Variants in C4orf36 observed in about 807,000 individuals in gnomAD.
The protein encoded by C4orf36 is uncharacterized protein C4orf36.
A neutral mutation model predicts 12.2 loss-of-function variants in C4orf36; 11 were observed. That is an observed-to-expected ratio of 0.90 (90% CI 0.57 to 1.49). The LOEUF (loss-of-function observed/expected upper bound fraction) is 1.49. C4orf36 is among the 40% of genes most tolerant of loss of function. The pLI is 0.00. For missense variants in C4orf36, 137 were observed against 133.9 expected, an observed-to-expected ratio of 1.02 and a Z score of -0.11; for synonymous variants, 54 against 51.3, an observed-to-expected ratio of 1.05 and a Z score of -0.22.
the C4orf36 span, among the ~76,000 whole-genome samples, chr4:86,921,679 T>C: frequency 6.6e-6 from 1 of 152,226 alleles, no homozygotes; most frequent in African/African-American, 2.4e-5. Context: ...AAAATATGCA[T>C]AATGTAAAAT....
chr4:86,890,078 G>C (rs1471041872), intron 2 of C4orf36: 1 of 454,636 alleles, frequency 2.2e-6, no homozygotes, highest in South Asian at 1.6e-5. Context: ...TGTGGTCCCA[G>C]CTACTCAGGA....
At chr4:86,929,959 G>A in the C4orf36 span, among the ~76,000 whole-genome samples, 1 of 152,218 alleles carries the variant, frequency 6.6e-6, no homozygotes, top group Non-Finnish European at 1.5e-5. Flanking sequence ...TATTTTGCCT[G>A]TGGGACAACC....
At chr4:86,903,949 T>A in the C4orf36 span, among the ~76,000 whole-genome samples, 1 of 152,212 alleles carries the variant, frequency 6.6e-6, no homozygotes, top group African/African-American at 2.4e-5. Flanking sequence ...AACCTTTAGC[T>A]AGACACAGAG....
chr4:86,898,688 A>T, the C4orf36 span, among the ~76,000 whole-genome samples: 1 of 152,096 alleles, frequency 6.6e-6, no homozygotes, highest in Non-Finnish European at 1.5e-5. Flanking sequence ...GAACACCTAT[A>T]ATCCCCACTA....
At chr4:86,909,567 A>G in the C4orf36 span, among the ~76,000 whole-genome samples, 1 of 152,146 alleles carries the variant, frequency 6.6e-6, no homozygotes, top group Non-Finnish European at 1.5e-5. Context: ...TTTAAATTCT[A>G]ATTTTTTATC....
At chr4:86,908,088 T>G in the C4orf36 span, among the ~76,000 whole-genome samples, 1 of 152,228 alleles carries the variant, frequency 6.6e-6, no homozygotes, top group Non-Finnish European at 1.5e-5. Flanking sequence ...GAGCACAATT[T>G]TTCTTACACA....
At chr4:86,899,192 A>G in the C4orf36 span, among the ~76,000 whole-genome samples, 3 of 152,302 alleles carry the variant, frequency 2.0e-5, no homozygotes, top group African/African-American at 7.2e-5. Context: ...GCTCCTCTAA[A>G]ACAAATTATT....
chr4:86,883,797 A>C (rs1389437695), intron 4 of C4orf36, among the ~76,000 whole-genome samples: 2 of 152,122 alleles, frequency 1.3e-5, no homozygotes, highest in African/African-American at 2.4e-5. Flanking sequence ...GGAGGCCAAG[A>C]TGGGCAGATC....
chr4:86,914,024 C>A, the C4orf36 span: 4 of 1,608,632 alleles, frequency 2.5e-6, no homozygotes, highest in Non-Finnish European at 3.4e-6. Flanking sequence ...CTGCTGCCAG[C>A]AAAACGTCGT....
chr4:86,886,249 G>C, intron 4 of C4orf36, among the ~76,000 whole-genome samples: 1 of 152,050 alleles, frequency 6.6e-6, no homozygotes, highest in Non-Finnish European at 1.5e-5. Context: ...TTTTTCTATT[G>C]ATTGGAATAG....
chr4:86,890,667 C>A (rs1272547228), intron 2 of C4orf36, among the ~76,000 whole-genome samples: 1 of 152,124 alleles, frequency 6.6e-6, no homozygotes, highest in African/African-American at 2.4e-5. Context: ...ATTTACTTCA[C>A]AGAATATTGT....
chr4:86,903,127 T>C, the C4orf36 span, among the ~76,000 whole-genome samples: 1 of 152,370 alleles, frequency 6.6e-6, no homozygotes, highest in South Asian at 2.1e-4. Flanking sequence ...TGTGTGCTAT[T>C]TTCACAAGAA....
At chr4:86,916,093 G>A in the C4orf36 span, among the ~76,000 whole-genome samples, 507 of 152,312 alleles carry the variant, frequency 3.3e-3, 1 homozygote, top group African/African-American at 0.011. Context: ...CCCTAGGAAA[G>A]TAATACATCT....
At chr4:86,923,481 G>C in the C4orf36 span, among the ~76,000 whole-genome samples, 1 of 151,984 alleles carries the variant, frequency 6.6e-6, no homozygotes, top group Non-Finnish European at 1.5e-5. Context: ...TTTCCTGCTG[G>C]GTGCAGTGGC....
Position 86,887,791 on chromosome 4 carries a change from G to T in C4orf36, c.323C>A (p.Ala108Asp). 1.9e-6 allele frequency: 3 copies of T among 1,614,178 alleles called. No individual in the cohort carries two copies. The highest frequency in any genetic ancestry group is 2.5e-6 in the Non-Finnish European group (3 of 1,180,030). The change falls in exon 4 of 5, where the codon GCC (alanine) becomes GAC (aspartate). Residue 108 changes from alanine to aspartate, a missense_variant. By Grantham distance (126) the Ala-to-Asp change is moderately radical. Coordinates refer to ENST00000295898, the MANE Select transcript of C4orf36 (RefSeq NM_144645.4). ...EIQLLLRERPAGLRRPLPSK is the reference protein window; with the variant it reads ...EIQLLLRERPDGLRRPLPSK ...AGATGGAAGAGGTCTTCTCAAACCG[G>T]CTGGCCTTTCCCTCAGGAGAAGCTG... is the stretch of plus-strand genomic sequence containing the variant.
chr4:86,891,403 TC>T, intron 2 of C4orf36, 52 bp downstream of exon 2: 3 of 1,540,284 alleles, frequency 1.9e-6, no homozygotes, highest in Non-Finnish European at 1.8e-6. Flanking sequence ...ACAAAGACAC[TC>T]CCCACCGCAG....
the C4orf36 span, among the ~76,000 whole-genome samples, chr4:86,921,916 T>C: frequency 6.6e-6 from 1 of 152,216 alleles, no homozygotes; most frequent in Admixed American, 6.5e-5. Flanking sequence ...AGGCACCTCA[T>C]ACAAGTGGAA....
chr4:86,881,528 G>A (rs1418293045), intron 4 of C4orf36, among the ~76,000 whole-genome samples: 1 of 152,080 alleles, frequency 6.6e-6, no homozygotes, highest in Non-Finnish European at 1.5e-5. Flanking sequence ...GTTCAAAGTT[G>A]AAGCGAGTAA....
the C4orf36 span, among the ~76,000 whole-genome samples, chr4:86,930,672 G>C: frequency 6.6e-6 from 1 of 152,290 alleles, no homozygotes; most frequent in East Asian, 1.9e-4. Flanking sequence ...TGTGAAATCA[G>C]TTGAACAATA....
Sources: allele counts gnomAD v4.1 joint callset (sites outside exome capture counted in the v4.1 genomes callset), GRCh38; gene constraint gnomAD v4.1.1; transcripts MANE v1.5; gene names NCBI Gene and HGNC (gene_info 2026-07-23, HGNC 2026-07-21).